Variants in CSMD1 observed in about 807,000 individuals in gnomAD.
CSMD1 encodes the protein CUB and sushi domain-containing protein 1.
In CSMD1, 213 loss-of-function variants were observed where a neutral mutation model predicts 417.5. That is an observed-to-expected ratio of 0.51 (90% CI 0.46 to 0.57). The LOEUF (loss-of-function observed/expected upper bound fraction) is 0.57, where lower values mean the gene tolerates loss of function less well. Ranked by LOEUF, CSMD1 falls within the 20% of genes least tolerant of loss-of-function variation. The pLI is 0.00. For synonymous variants in CSMD1, 2,862 were observed against 1,736.8 expected (o/e 1.65, Z -16.11); for missense variants, 6,923 against 4,529.7 (o/e 1.53, Z -15.17).
intron 12 of CSMD1, among the ~76,000 whole-genome samples, chr8:3,444,875 T>C (rs781346403): frequency 3.9e-5 from 6 of 152,176 alleles, no homozygotes; most frequent in African/African-American, 7.2e-5. Context: ...TACTATCGAT[T>C]TGTGGCATTT....
intron 2 of CSMD1, among the ~76,000 whole-genome samples, chr8:4,487,221 T>C (rs1328639033): frequency 6.6e-6 from 1 of 152,202 alleles, no homozygotes; most frequent in African/African-American, 2.4e-5. Flanking sequence ...GTGCACAATG[T>C]GCCGGTTTGT....
intron 10 of CSMD1, among the ~76,000 whole-genome samples, chr8:3,494,273 T>C (rs1796267478): frequency 6.6e-6 from 1 of 152,190 alleles, no homozygotes; most frequent in Admixed American, 6.5e-5. Context: ...TTTGTCATGA[T>C]GAGCAGCACC....
intron 48 of CSMD1, among the ~76,000 whole-genome samples, chr8:3,088,706 G>C (rs1814712235): frequency 6.6e-6 from 1 of 151,798 alleles, no homozygotes; most frequent in Non-Finnish European, 1.5e-5. Context: ...AGCTCCATTG[G>C]CCACACCATG....
At chr8:3,338,825 TA>T (rs1299599658) in intron 23 of CSMD1, among the ~76,000 whole-genome samples, 517 of 147,754 alleles carry the variant, frequency 3.5e-3, no homozygotes, top group African/African-American at 5.6e-3. Flanking sequence ...TTTTTTTTTT[TA>T]AATTTTTATT....
intron 50 of CSMD1, among the ~76,000 whole-genome samples, chr8:3,037,954 T>C (rs570249788): frequency 6.6e-6 from 1 of 152,322 alleles, no homozygotes. Flanking sequence ...TCCTTATTCC[T>C]GCCACTACTG....
chr8:3,939,219 G>A (rs1311115069), intron 5 of CSMD1, among the ~76,000 whole-genome samples: 2 of 151,750 alleles, frequency 1.3e-5, no homozygotes, highest in African/African-American at 2.4e-5. Flanking sequence ...AATTCATCAC[G>A]AATAAACTTT....
chr8:3,958,883 G>C (rs1236370518), intron 5 of CSMD1, among the ~76,000 whole-genome samples: 2 of 152,334 alleles, frequency 1.3e-5, no homozygotes, highest in South Asian at 2.1e-4. Context: ...AAAGAGAACA[G>C]ATATTCAGTG....
At chr8:4,082,003 T>C (rs1317444203) in intron 3 of CSMD1, among the ~76,000 whole-genome samples, 2 of 151,784 alleles carry the variant, frequency 1.3e-5, no homozygotes, top group Non-Finnish European at 1.5e-5. Flanking sequence ...AGGAAAAAAA[T>C]ATATAAAATT....
intron 1 of CSMD1, among the ~76,000 whole-genome samples, chr8:4,887,560 G>A (rs1585266910): frequency 6.6e-6 from 1 of 151,780 alleles, no homozygotes; most frequent in Non-Finnish European, 1.5e-5. Flanking sequence ...AACGAAAGTG[G>A]GATATTGAAG....
chr8:3,823,833 T>C (rs1801885536), intron 5 of CSMD1, among the ~76,000 whole-genome samples: 1 of 152,178 alleles, frequency 6.6e-6, no homozygotes, highest in African/African-American at 2.4e-5. Flanking sequence ...AAGATGGTAA[T>C]TTAAAAAATT....
At chr8:4,558,928 C>A (rs975860351) in intron 2 of CSMD1, among the ~76,000 whole-genome samples, 2 of 12,658 alleles carry the variant, frequency 1.6e-4, no homozygotes, top group Non-Finnish European at 0.01. Context: ...TTCAACTGAT[C>A]ATGTTTTTTT....
intron 3 of CSMD1, among the ~76,000 whole-genome samples, chr8:4,164,234 A>C (rs1036051724): frequency 3.3e-5 from 5 of 152,180 alleles, no homozygotes; most frequent in Non-Finnish European, 5.9e-5. Flanking sequence ...GAAATATACA[A>C]AAGTTAGAAA....
intron 2 of CSMD1, among the ~76,000 whole-genome samples, chr8:4,545,030 T>C (rs1253679106): frequency 2.0e-5 from 3 of 152,250 alleles, no homozygotes; most frequent in Admixed American, 1.3e-4. Context: ...TCTGAATGCA[T>C]GCACCCATTT....
chr8:3,471,404 C>T (rs1201125680), intron 11 of CSMD1, among the ~76,000 whole-genome samples: 2 of 152,196 alleles, frequency 1.3e-5, no homozygotes, highest in South Asian at 2.1e-4. Flanking sequence ...TTTGGTTCCA[C>T]ATGCAATTAC....
At chr8:4,200,693 A>G (rs1265973182) in intron 3 of CSMD1, among the ~76,000 whole-genome samples, 2 of 152,118 alleles carry the variant, frequency 1.3e-5, no homozygotes, top group African/African-American at 4.8e-5. Flanking sequence ...GCACCTCTAC[A>G]AAACATAACA....
intron 1 of CSMD1, among the ~76,000 whole-genome samples, chr8:4,758,497 G>C (rs1351131997): frequency 6.6e-6 from 1 of 152,196 alleles, no homozygotes; most frequent in African/African-American, 2.4e-5. Flanking sequence ...CCTTTGGACT[G>C]TGCTGGTCAG....
intron 1 of CSMD1, among the ~76,000 whole-genome samples, chr8:4,697,393 T>C (rs1807204818): frequency 6.6e-6 from 1 of 152,138 alleles, no homozygotes; most frequent in African/African-American, 2.4e-5. Flanking sequence ...GTGGCTACTT[T>C]ACATGCTAGC....
intron 37 of CSMD1, among the ~76,000 whole-genome samples, chr8:3,173,945 T>C (rs529260120): frequency 6.6e-6 from 1 of 152,348 alleles, no homozygotes; most frequent in Non-Finnish European, 1.5e-5. Flanking sequence ...GTATGTTTCA[T>C]TTCAAAGGAC....
chr8:3,576,054 T>C (rs148834080), intron 9 of CSMD1, among the ~76,000 whole-genome samples: 85 of 152,254 alleles, frequency 5.6e-4, no homozygotes, highest in African/African-American at 2.0e-3. Context: ...GAAGGATTAA[T>C]CCTCGTCATA....
Sources: allele counts gnomAD v4.1 joint callset (sites outside exome capture counted in the v4.1 genomes callset), GRCh38; gene constraint gnomAD v4.1.1; transcripts MANE v1.5; gene names NCBI Gene and HGNC (gene_info 2026-07-23, HGNC 2026-07-21).